The following ELAVL2 variants were observed in gnomAD, a reference collection of about 807,000 sequenced individuals.
ELAVL2 encodes the protein ELAV like RNA binding protein 2, also known as ELAV-like protein 2.
A neutral mutation model predicts 34.6 loss-of-function variants in ELAVL2; 4 were observed. The ratio of observed to expected loss-of-function variants is 0.12; its 90% CI spans 0.06 to 0.26. ELAVL2 has a LOEUF of 0.26. Among genes scored for constraint, ELAVL2 ranks in the 10% least tolerant of loss-of-function variants. The pLI, the probability that ELAVL2 is intolerant of heterozygous loss-of-function variation, is 1.00. For missense variants in ELAVL2, 432 were observed against 442.8 expected (o/e 0.98, Z 0.22); for synonymous variants, 193 against 154.8 (o/e 1.25, Z -1.83).
In ELAVL2 at chr9:23,748,609, G is replaced by A. The variant is rs184277412; in HGVS notation, c.229+13397C>T. Among the ~76,000 whole-genome samples the A allele has an allele frequency of 3.2e-4, 48 of 152,246 alleles. No homozygotes were observed. The East Asian group carries it at 7.2e-3, about 23-fold the overall frequency. Reference sequence around the variant, plus strand: ...AAGCTTGAAACCAGGCAGAACAACTGCAAAGGGGGTAAGATGAAGTCCCTG... The same window carrying A: ...AAGCTTGAAACCAGGCAGAACAACTACAAAGGGGGTAAGATGAAGTCCCTG... On this transcript the variant is annotated intron_variant, in intron 2 of 6. Coordinates refer to ENST00000397312, the MANE Select transcript of ELAVL2 (RefSeq NM_004432.5).
Position 23,691,639 on chromosome 9 carries a change from A to G in ELAVL2, c.*918T>C, listed in dbSNP as rs1427896490. The G allele has an allele frequency of 6.6e-6, 1 of 152,546 alleles. No individual in the cohort carries two copies. The highest frequency in any genetic ancestry group is 1.9e-4 in the East Asian group (1 of 5,180). The allele number at this position is 152,546 out of a possible 1,614,324, so 9.4% of individuals were successfully genotyped here. ...AGCCACCTATCACATAATAACCAGG[A>G]TGATCAGACGCTCCACTGGTGATTA... On this transcript the variant is annotated 3_prime_UTR_variant, in exon 7 of 7. Transcript: ENST00000397312.
chr9:23,821,536 C>T (rs571385817), intron 1 of ELAVL2: 43 of 152,446 alleles, frequency 2.8e-4, no homozygotes, highest in African/African-American at 1.0e-3. Context: ...AGACCTTAGC[C>T]TCGGCGTCCA....
intron 3 of ELAVL2, among the ~76,000 whole-genome samples, chr9:23,706,195 G>C (rs756724878): frequency 6.6e-6 from 1 of 152,102 alleles, no homozygotes; most frequent in Non-Finnish European, 1.5e-5. Context: ...TCATGTCTTT[G>C]AGATACGGTA....
intron 1 of ELAVL2, chr9:23,779,178 T>TTGGAGGTAAAAC: frequency 1.0e-6 from 1 of 984,698 alleles, no homozygotes; most frequent in Non-Finnish European, 1.2e-6. Flanking sequence ...AAATTGTATT[T>TTGGAGGTAAAAC]TGGAGGTAAA....
intron 1 of ELAVL2, among the ~76,000 whole-genome samples, chr9:23,780,394 T>C (rs536583147): frequency 6.6e-6 from 1 of 152,320 alleles, no homozygotes; most frequent in South Asian, 2.1e-4. Flanking sequence ...ACTCTTAAGA[T>C]AAATTTCCAA....
At chr9:23,841,263 C>T in the ELAVL2 span, among the ~76,000 whole-genome samples, 2 of 151,988 alleles carry the variant, frequency 1.3e-5, no homozygotes, top group African/African-American at 4.8e-5. Context: ...AGATAGTTTC[C>T]ACCATTTGTG....
At chr9:23,771,375 GA>G (rs1414528728) in intron 1 of ELAVL2, among the ~76,000 whole-genome samples, 1 of 151,912 alleles carries the variant, frequency 6.6e-6, no homozygotes, top group African/African-American at 2.4e-5. Flanking sequence ...ATAAGCAAAG[GA>G]AGAGATTTTA....
At chr9:23,811,413 C>A (rs1343484187) in intron 1 of ELAVL2, among the ~76,000 whole-genome samples, 2 of 152,020 alleles carry the variant, frequency 1.3e-5, no homozygotes, top group East Asian at 3.9e-4. Flanking sequence ...ACACCAAGCA[C>A]TGGCATGAGA....
intron 3 of ELAVL2, among the ~76,000 whole-genome samples, chr9:23,719,406 C>G (rs1166679366): frequency 6.6e-6 from 1 of 152,098 alleles, no homozygotes; most frequent in Non-Finnish European, 1.5e-5. Flanking sequence ...CTTTGTGCAC[C>G]AGGATATACA....
intron 1 of ELAVL2, among the ~76,000 whole-genome samples, chr9:23,806,646 A>C (rs925245866): frequency 6.6e-6 from 1 of 152,190 alleles, no homozygotes; most frequent in Non-Finnish European, 1.5e-5. Flanking sequence ...TAATAAGACA[A>C]TAAGACCCAC....
At chr9:23,753,940 G>C (rs1473468955) in intron 2 of ELAVL2, among the ~76,000 whole-genome samples, 1 of 152,154 alleles carries the variant, frequency 6.6e-6, no homozygotes, top group African/African-American at 2.4e-5. Flanking sequence ...GCAACAAAGA[G>C]AAAGGTTACT....
At chr9:23,702,862 T>C (rs538819313) in intron 4 of ELAVL2, among the ~76,000 whole-genome samples, 13 of 144,068 alleles carry the variant, frequency 9.0e-5, no homozygotes, top group African/African-American at 1.8e-4. Context: ...AGTGAAATGA[T>C]AGCAAATCCT....
chr9:23,733,938 T>G (rs1424700045), intron 2 of ELAVL2, among the ~76,000 whole-genome samples: 2 of 152,136 alleles, frequency 1.3e-5, no homozygotes, highest in Non-Finnish European at 2.9e-5. Flanking sequence ...CTAGTATCTG[T>G]TAAGTTGTTT....
At chr9:23,766,598 C>T (rs1168285104) in intron 1 of ELAVL2, among the ~76,000 whole-genome samples, 1 of 152,204 alleles carries the variant, frequency 6.6e-6, no homozygotes, top group South Asian at 2.1e-4. Context: ...GGTGAACAAT[C>T]ACTTTATTGC....
chr9:23,771,750 A>G (rs908726058), intron 1 of ELAVL2, among the ~76,000 whole-genome samples: 5 of 152,240 alleles, frequency 3.3e-5, no homozygotes, highest in Non-Finnish European at 7.3e-5. Flanking sequence ...GTTTAAAAAC[A>G]AAGTGGATGA....
intron 2 of ELAVL2, among the ~76,000 whole-genome samples, chr9:23,740,337 A>G (rs1436441818): frequency 1.3e-5 from 2 of 152,210 alleles, no homozygotes; most frequent in African/African-American, 4.8e-5. Context: ...ACGGACATAA[A>G]GTTGGAGGTT....
At chr9:23,727,319 C>T (rs561689264) in intron 3 of ELAVL2, among the ~76,000 whole-genome samples, 40 of 152,154 alleles carry the variant, frequency 2.6e-4, no homozygotes, top group Admixed American at 5.9e-4. Flanking sequence ...TACTATGAGA[C>T]GGATACGTTG....
chr9:23,762,392 T>TA (rs1185548431), intron 1 of ELAVL2, 143 bp from the exon 2 acceptor site: 1 of 1,057,900 alleles, frequency 9.5e-7, no homozygotes, highest in Admixed American at 2.7e-5. Flanking sequence ...GTGTAATACC[T>TA]ACACTAATTT....
chr9:23,848,869 C>T, the ELAVL2 span, among the ~76,000 whole-genome samples: 6 of 152,280 alleles, frequency 3.9e-5, no homozygotes, highest in East Asian at 1.2e-3. Context: ...CTTAGATGGC[C>T]TTGCCTCATC....
Sources: allele counts gnomAD v4.1 joint callset (sites outside exome capture counted in the v4.1 genomes callset), GRCh38; gene constraint gnomAD v4.1.1; transcripts MANE v1.5; gene names NCBI Gene and HGNC (gene_info 2026-07-23, HGNC 2026-07-21).